Variants in PREX2 observed in about 807,000 individuals in gnomAD.
PREX2 encodes phosphatidylinositol-3,4,5-trisphosphate dependent Rac exchange factor 2.
A neutral mutation model predicts 203.2 loss-of-function variants in PREX2; 107 were observed. The observed-to-expected ratio is 0.53, with a 90% confidence interval of 0.45 to 0.62. PREX2 has a LOEUF of 0.62. Among genes scored for constraint, PREX2 ranks in the 20% least tolerant of loss-of-function variants. PREX2 has a pLI of 0.00. For missense variants in PREX2, 1,777 were observed against 1,955.9 expected (o/e 0.91, Z 1.72); for synonymous variants, 672 against 663.6 (o/e 1.01, Z -0.19).
chr8:68,072,153 C>T (rs1809215778), intron 13 of PREX2, among the ~76,000 whole-genome samples: 1 of 152,078 alleles, frequency 6.6e-6, no homozygotes, highest in African/African-American at 2.4e-5. Context: ...GTCGCAGTTT[C>T]CAAGAACCTA....
At chr8:68,016,581 A>C (rs1807414854) in intron 1 of PREX2, among the ~76,000 whole-genome samples, 1 of 152,154 alleles carries the variant, frequency 6.6e-6, no homozygotes, top group South Asian at 2.1e-4. Flanking sequence ...TCCTAGAAGT[A>C]GTATCTCTGG....
At chr8:68,079,499 T>G (rs1403235241) in intron 15 of PREX2, among the ~76,000 whole-genome samples, 2 of 152,208 alleles carry the variant, frequency 1.3e-5, no homozygotes, top group East Asian at 1.9e-4. Flanking sequence ...TAAGTAACTT[T>G]CTTATCTCAT....
chr8:68,068,908 G>A, intron 11 of PREX2, 125 bp from the exon 12 acceptor site: 1 of 448,324 alleles, frequency 2.2e-6, no homozygotes, highest in Non-Finnish European at 3.9e-6. Context: ...TGTTAGAAAA[G>A]CAAATGCCTT....
chr8:68,111,728 A>G (rs1810539211), intron 25 of PREX2, among the ~76,000 whole-genome samples: 1 of 152,198 alleles, frequency 6.6e-6, no homozygotes, highest in South Asian at 2.1e-4. Context: ...AATGTGCAAT[A>G]TAATCCCTGT....
At chr8:68,018,856 G>A (rs1807483297) in intron 2 of PREX2, among the ~76,000 whole-genome samples, 1 of 152,062 alleles carries the variant, frequency 6.6e-6, no homozygotes, top group Admixed American at 6.6e-5. Context: ...AACATTCTAA[G>A]GATTTTTAAA....
At chr8:68,155,580 G>A (rs1811528447) in intron 34 of PREX2, among the ~76,000 whole-genome samples, 1 of 152,122 alleles carries the variant, frequency 6.6e-6, no homozygotes, top group Non-Finnish European at 1.5e-5. Flanking sequence ...TCGTGATTTA[G>A]TTTAGAAACT....
chr8:68,058,033 C>T (rs899629841), intron 10 of PREX2, among the ~76,000 whole-genome samples: 11 of 152,172 alleles, frequency 7.2e-5, no homozygotes, highest in South Asian at 2.1e-4. Context: ...TAGATTACTG[C>T]GGCCTTTTCC....
chr8:68,211,272 A>G (rs1446472587), intron 37 of PREX2, among the ~76,000 whole-genome samples: 2 of 152,204 alleles, frequency 1.3e-5, no homozygotes, highest in African/African-American at 4.8e-5. Context: ...TAAAACAAAT[A>G]TTGGCATACA....
In PREX2 at chr8:68,233,449, A is replaced by G. The variant is rs1020126070; in HGVS notation, c.*2071A>G. Reference sequence around the variant, plus strand: ...TTTTTAAGGATCTACTTTCTTCATAATAGAATGTGCTTCATATTATTTTTA... The same window carrying G: ...TTTTTAAGGATCTACTTTCTTCATAGTAGAATGTGCTTCATATTATTTTTA... On this transcript the variant is annotated 3_prime_UTR_variant, in exon 40 of 40. Transcript: ENST00000288368. 1.3e-5 allele frequency: 2 copies of G among 152,176 alleles called. No homozygotes were observed. The highest frequency in any genetic ancestry group is 4.8e-5 in the African/African-American group (2 of 41,450). 9.4% of individuals were successfully genotyped at this position (152,176 alleles called of 1,614,324 possible).
chr8:68,150,269 G>A (rs1033474282), intron 34 of PREX2, among the ~76,000 whole-genome samples: 1 of 152,180 alleles, frequency 6.6e-6, no homozygotes, highest in Non-Finnish European at 1.5e-5. Flanking sequence ...GATGGGGGAG[G>A]GGATAATTTA....
intron 35 of PREX2, among the ~76,000 whole-genome samples, chr8:68,175,071 A>G (rs914999170): frequency 3.3e-5 from 5 of 152,214 alleles, no homozygotes; most frequent in Admixed American, 6.5e-5. Context: ...ACCGAACGCC[A>G]TGGCTGGTGT....
At position 68,187,994 on chromosome 8, in the gene PREX2, C is replaced by G. The variant is rs200996853; in HGVS notation, c.4347-3728C>G. 6.6e-5 allele frequency among the ~76,000 whole-genome samples: 10 copies of G among 152,242 alleles called. No homozygotes were observed. In the East Asian group the frequency reaches 1.9e-3, roughly 29 times the overall value. ...CCAGAGCTAGCCTCACCATTTGAAA[C>G]CAGGTAGTAGAGGACTCCACTTCTG... On this transcript the variant is annotated intron_variant, in intron 35 of 39. Coordinates refer to ENST00000288368, the MANE Select transcript of PREX2 (RefSeq NM_024870.4).
chr8:68,143,698 TGG>T (rs1192784924), intron 33 of PREX2, among the ~76,000 whole-genome samples: 3 of 152,190 alleles, frequency 2.0e-5, no homozygotes, highest in Non-Finnish European at 4.4e-5. Context: ...TTACATTTGA[TGG>T]GATATAGCTT....
At chr8:67,965,010 TG>T (rs1383920212) in intron 1 of PREX2, among the ~76,000 whole-genome samples, 1 of 152,162 alleles carries the variant, frequency 6.6e-6, no homozygotes, top group African/African-American at 2.4e-5. Flanking sequence ...CCAAGGCAGT[TG>T]CTGGAGTAGG....
At chr8:68,032,723 T>G (rs1401071557) in intron 6 of PREX2, among the ~76,000 whole-genome samples, 1 of 152,208 alleles carries the variant, frequency 6.6e-6, no homozygotes, top group Admixed American at 6.5e-5. Context: ...TGTCTTTGAC[T>G]TGCTGATGGT....
intron 37 of PREX2, among the ~76,000 whole-genome samples, chr8:68,210,082 T>C (rs1478066257): frequency 6.6e-6 from 1 of 152,232 alleles, no homozygotes; most frequent in Non-Finnish European, 1.5e-5. Context: ...TTCAGTGATT[T>C]CAGTGTATTT....
chr8:68,030,242 C>T (rs145889781), intron 5 of PREX2, among the ~76,000 whole-genome samples: 22 of 152,082 alleles, frequency 1.4e-4, no homozygotes, highest in Middle Eastern at 3.4e-3. Flanking sequence ...TTTGACCATT[C>T]GAAAGGAGGA....
At chr8:68,111,193 T>C (rs16934175) in intron 25 of PREX2, 4,409 of 193,076 alleles carry the variant, frequency 0.023, 208 homozygotes, top group African/African-American at 0.098. Flanking sequence ...GCTCCTAGGC[T>C]TCAAAGGGAT....
At chr8:68,213,052 G>A (rs371297845) in intron 37 of PREX2, among the ~76,000 whole-genome samples, 1 of 152,258 alleles carries the variant, frequency 6.6e-6, no homozygotes, top group African/African-American at 2.4e-5. Flanking sequence ...AGCATTGGAT[G>A]ACTGTGTACA....
Sources: gnomAD v4.1 joint callset for allele counts (sites outside exome capture counted in the v4.1 genomes callset) on GRCh38, gnomAD v4.1.1 for gene constraint, MANE v1.5 for transcripts, NCBI Gene and HGNC (gene_info 2026-07-23, HGNC 2026-07-21) for gene names.